ETV6: variants seen among roughly 807,000 people sequenced by gnomAD.
The protein encoded by ETV6 is transcription factor ETV6.
ETV6 carries 16 observed loss-of-function variants against 51.1 expected under a neutral mutation model. The ratio of observed to expected loss-of-function variants is 0.31; its 90% confidence interval spans 0.21 to 0.48. The LOEUF (loss-of-function observed/expected upper bound fraction) is 0.48, where lower values mean the gene tolerates loss of function less well. Among genes scored for constraint, ETV6 ranks in the 20% least tolerant of loss-of-function variants. The pLI is 0.99. For missense variants in ETV6, 458 were observed against 594.8 expected (o/e 0.77, Z 2.39); for synonymous variants, 240 against 224.1 (o/e 1.07, Z -0.64).
At chr12:11,717,936 G>A (rs181576837) in intron 1 of ETV6, among the ~76,000 whole-genome samples, 314 of 152,290 alleles carry the variant, frequency 2.1e-3, no homozygotes, top group African/African-American at 7.4e-3. Context: ...TGGAAGTGGA[G>A]TTCTCAATCT....
chr12:11,745,717 A>G (rs1001851993), intron 1 of ETV6, among the ~76,000 whole-genome samples: 1 of 152,160 alleles, frequency 6.6e-6, no homozygotes, highest in African/African-American at 2.4e-5. Flanking sequence ...TACTGCTTCT[A>G]TTTATCTCAC....
chr12:11,888,398 C>CTTTTCTTTTCTTTT lies in ETV6; in HGVS notation c.1253+2376_1253+2377insCTTTTCTTTTTTTT, dbSNP rs753710183. Among the ~76,000 whole-genome samples the CTTTTCTTTTCTTTT allele has an allele frequency of 5.2e-4, 42 of 80,688 alleles. 1 individual carries two copies. Among genetic ancestry groups the CTTTTCTTTTCTTTT allele is most frequent in the South Asian group, 4.7e-3 (8 of 1,714 alleles). The allele number at this position is 80,688 out of a possible 152,430, so 52.9% of individuals were successfully genotyped here. ...TTTGCTTTTTCTTTTCTTTTCTTTT[C>CTTTTCTTTTCTTTT]TTTTTTTTTTTTTTTTAGACAGAGC... On this transcript the variant is annotated intron_variant, in intron 7 of 7. Coordinates refer to ENST00000396373, the MANE Select transcript of ETV6 (RefSeq NM_001987.5).
At chr12:11,882,967 C>T (rs913315263) in intron 5 of ETV6, among the ~76,000 whole-genome samples, 2 of 152,228 alleles carry the variant, frequency 1.3e-5, no homozygotes, top group Admixed American at 6.5e-5. Context: ...GTTATTTCAA[C>T]CTCTCTGAGG....
chr12:11,669,260 C>T (rs1361865731), intron 1 of ETV6, among the ~76,000 whole-genome samples: 3 of 152,090 alleles, frequency 2.0e-5, no homozygotes, highest in Non-Finnish European at 4.4e-5. Flanking sequence ...TAAGCGACTT[C>T]GAAGTCTGAT....
chr12:11,701,363 G>A (rs569177785), intron 1 of ETV6, among the ~76,000 whole-genome samples: 10 of 152,200 alleles, frequency 6.6e-5, no homozygotes, highest in South Asian at 4.1e-4. Context: ...AGGTCTCTCC[G>A]TAAGTGGAAT....
chr12:11,735,377 G>A (rs1865684245), intron 1 of ETV6, among the ~76,000 whole-genome samples: 1 of 152,196 alleles, frequency 6.6e-6, no homozygotes, highest in African/African-American at 2.4e-5. Context: ...AGATCAGTGG[G>A]TGGCACCTAG....
At chr12:11,663,845 A>G (rs1295260414) in intron 1 of ETV6, among the ~76,000 whole-genome samples, 1 of 152,142 alleles carries the variant, frequency 6.6e-6, no homozygotes, top group East Asian at 1.9e-4. Flanking sequence ...ACGTGCTTCT[A>G]TGTTAGTGTC....
At chr12:11,851,796 C>T (rs182682059) in intron 3 of ETV6, among the ~76,000 whole-genome samples, 13 of 152,240 alleles carry the variant, frequency 8.5e-5, no homozygotes, top group Admixed American at 5.2e-4. Flanking sequence ...ACACAAGGTT[C>T]CCTCAGGAAT....
intron 2 of ETV6, among the ~76,000 whole-genome samples, chr12:11,818,465 T>A (rs1002988537): frequency 1.3e-5 from 2 of 150,806 alleles, no homozygotes; most frequent in African/African-American, 4.9e-5. Context: ...GAGGCGGAGG[T>A]TGCAATGGCC....
At chr12:11,674,629 G>A (rs868078212) in intron 1 of ETV6, among the ~76,000 whole-genome samples, 2 of 142,612 alleles carry the variant, frequency 1.4e-5, no homozygotes, top group Non-Finnish European at 3.0e-5. Flanking sequence ...GTGTGTGTGT[G>A]TGTGTGTGTG....
At chr12:11,890,427 C>CT (rs11316604) in intron 7 of ETV6, among the ~76,000 whole-genome samples, 1,811 of 143,336 alleles carry the variant, frequency 0.013, 20 homozygotes, top group African/African-American at 0.031. Context: ...ACAGCCTAGA[C>CT]TTTTTTTTTT....
At chr12:11,859,118 GGTTTTTTTTTTTTTTTTTTTT>G (rs1330335933) in intron 4 of ETV6, among the ~76,000 whole-genome samples, 1,199 of 41,772 alleles carry the variant, frequency 0.029, 114 homozygotes, top group African/African-American at 0.079. Context: ...ATATGAATCT[GGTTTTTTTTTTTTTTTTTTTT>G]TTTTTTTTTT....
chr12:11,742,720 T>C (rs1446634535), intron 1 of ETV6, among the ~76,000 whole-genome samples: 1 of 151,984 alleles, frequency 6.6e-6, no homozygotes, highest in Non-Finnish European at 1.5e-5. Context: ...TTCATCATAA[T>C]AACACCTTGC....
intron 1 of ETV6, among the ~76,000 whole-genome samples, chr12:11,685,627 C>CATATGA (rs1864615042): frequency 1.3e-5 from 2 of 151,942 alleles, no homozygotes; most frequent in South Asian, 4.1e-4. Context: ...TTTTCATGTA[C>CATATGA]ATATGAATGT....
intron 2 of ETV6, among the ~76,000 whole-genome samples, chr12:11,781,489 T>C (rs1945413471): frequency 6.6e-6 from 1 of 152,246 alleles, no homozygotes; most frequent in Non-Finnish European, 1.5e-5. Context: ...GAATCAGATA[T>C]GGATTTGATG....
chr12:11,680,056 C>T (rs1864497799), intron 1 of ETV6, among the ~76,000 whole-genome samples: 1 of 152,166 alleles, frequency 6.6e-6, no homozygotes, highest in African/African-American at 2.4e-5. Context: ...GTTGAGACAT[C>T]CAGCTTGATA....
chr12:11,806,154 A>G (rs1488405166), intron 2 of ETV6, among the ~76,000 whole-genome samples: 1 of 152,170 alleles, frequency 6.6e-6, no homozygotes, highest in Non-Finnish European at 1.5e-5. Context: ...GCCCAATTCT[A>G]TTGCTCTTGC....
chr12:11,695,693 T>C (rs1864864506), intron 1 of ETV6, among the ~76,000 whole-genome samples: 1 of 152,144 alleles, frequency 6.6e-6, no homozygotes. Flanking sequence ...CTTGTGTTTG[T>C]GTTTGTGTTC....
Position 11,839,307 on chromosome 12 carries a change from G to A in ETV6, c.328+3G>A, listed in dbSNP as rs765958320. ...TCGCTATCGATCTCCTCATTCAGGT[G>A]AGAGTCTGGACTCTTGGCATATGCC... On this transcript the variant is annotated splice_donor_region_variant and intron_variant, in intron 3 of 7. Coordinates refer to ENST00000396373, the MANE Select transcript of ETV6 (RefSeq NM_001987.5). The A allele has an allele frequency of 3.7e-6, 6 of 1,612,456 alleles. No individual in the cohort carries two copies. The South Asian group carries it at 5.5e-5, about 15-fold the overall frequency.
Sources: gnomAD v4.1 joint callset for allele counts (sites outside exome capture counted in the v4.1 genomes callset) on GRCh38, gnomAD v4.1.1 for gene constraint, MANE v1.5 for transcripts, NCBI Gene and HGNC (gene_info 2026-07-23, HGNC 2026-07-21) for gene names.